The following PRELID2 variants were observed in gnomAD, a reference collection of about 807,000 sequenced individuals.
PRELID2 encodes the protein PRELI domain containing 2.
In PRELID2, 25 loss-of-function variants were observed where a neutral mutation model predicts 28.4. The observed-to-expected ratio is 0.88, with a 90% CI of 0.64 to 1.23. PRELID2 has a LOEUF of 1.23. Among genes scored for constraint, PRELID2 ranks in the 50% most tolerant of loss-of-function variants. The pLI is 0.00. For synonymous variants in PRELID2, 76 were observed against 71.6 expected, an observed-to-expected ratio of 1.06 and a Z score of -0.31; for missense variants, 201 against 214.4, an observed-to-expected ratio of 0.94 and a Z score of 0.39.
chr5:145,724,645 ATAAT>A (rs1349266235), intron 1 of PRELID2, among the ~76,000 whole-genome samples: 14 of 120,490 alleles, frequency 1.2e-4, no homozygotes, highest in African/African-American at 4.3e-4. Context: ...ATATATATAT[ATAAT>A]GCCTGTAACT....
chr5:145,513,614 G>A (rs1752485658), intron 1 of PRELID2, among the ~76,000 whole-genome samples: 1 of 152,086 alleles, frequency 6.6e-6, no homozygotes, highest in African/African-American at 2.4e-5. Context: ...AGCAAGACAG[G>A]CCAACATTCA....
chr5:145,798,875 G>T (rs532914428), intron 4 of PRELID2, among the ~76,000 whole-genome samples: 32 of 152,212 alleles, frequency 2.1e-4, no homozygotes, highest in African/African-American at 7.5e-4. Context: ...GCCTGTCAGT[G>T]GGTGGGGGCC....
intron 1 of PRELID2, among the ~76,000 whole-genome samples, chr5:145,664,333 C>G (rs1229221673): frequency 6.6e-6 from 1 of 151,986 alleles, no homozygotes; most frequent in African/African-American, 2.4e-5. Context: ...GTGCTTTCTC[C>G]TTTCCATTTG....
intron 1 of PRELID2, among the ~76,000 whole-genome samples, chr5:145,490,728 T>C (rs1489950178): frequency 1.3e-5 from 2 of 152,228 alleles, no homozygotes; most frequent in Admixed American, 6.5e-5. Flanking sequence ...TAAATTTAAT[T>C]AAACCTAAAG....
chr5:145,411,108 T>C, the PRELID2 span, among the ~76,000 whole-genome samples: 1 of 152,164 alleles, frequency 6.6e-6, no homozygotes, highest in Non-Finnish European at 1.5e-5. Context: ...GATAAAGACA[T>C]ACCCGAGATT....
intron 1 of PRELID2, among the ~76,000 whole-genome samples, chr5:145,656,271 T>G (rs1376015453): frequency 6.6e-6 from 1 of 152,138 alleles, no homozygotes; most frequent in East Asian, 1.9e-4. Flanking sequence ...GGAGAGGATG[T>G]GGAGAAATAG....
At chr5:145,416,021 C>A in the PRELID2 span, among the ~76,000 whole-genome samples, 2 of 152,176 alleles carry the variant, frequency 1.3e-5, no homozygotes, top group Admixed American at 6.5e-5. Flanking sequence ...TTGCATTTCT[C>A]TGATGGCCAG....
intron 1 of PRELID2, among the ~76,000 whole-genome samples, chr5:145,574,581 G>A (rs1753044886): frequency 6.6e-6 from 1 of 152,158 alleles, no homozygotes; most frequent in Admixed American, 6.6e-5. Context: ...ATAAGCTTAT[G>A]TTTTGGGGTC....
chr5:145,644,756 CTTCAT>C (rs1754168694), intron 1 of PRELID2, among the ~76,000 whole-genome samples: 1 of 152,274 alleles, frequency 6.6e-6, no homozygotes, highest in South Asian at 2.1e-4. Flanking sequence ...TTATTTCTGC[CTTCAT>C]TTCATTACTT....
At chr5:145,645,326 T>C (rs1754177806) in intron 1 of PRELID2, among the ~76,000 whole-genome samples, 1 of 149,270 alleles carries the variant, frequency 6.7e-6, no homozygotes, top group African/African-American at 2.5e-5. Context: ...GAGATTAGGA[T>C]TGCAACTCCT....
At chr5:145,299,369 A>T in the PRELID2 span, among the ~76,000 whole-genome samples, 1 of 152,126 alleles carries the variant, frequency 6.6e-6, no homozygotes, top group African/African-American at 2.4e-5. Context: ...ACATATTGAG[A>T]TCAATTGCTA....
chr5:145,237,170 T>C, the PRELID2 span, among the ~76,000 whole-genome samples: 2 of 152,124 alleles, frequency 1.3e-5, no homozygotes, highest in Admixed American at 1.3e-4. Flanking sequence ...CAATGAGGAA[T>C]TGCAGAGCAG....
chr5:145,599,353 T>G (rs539227295), intron 1 of PRELID2, among the ~76,000 whole-genome samples: 2 of 152,330 alleles, frequency 1.3e-5, no homozygotes, highest in African/African-American at 4.8e-5. Context: ...AATAATCTTG[T>G]TGTGTTCACT....
chr5:145,730,700 A>AT (rs1358347195), intron 1 of PRELID2, among the ~76,000 whole-genome samples: 1 of 152,164 alleles, frequency 6.6e-6, no homozygotes, highest in Non-Finnish European at 1.5e-5. Context: ...TAAAAAAAAA[A>AT]CTGCCTAAAT....
chr5:145,655,104 A>C (rs537466406), intron 1 of PRELID2, among the ~76,000 whole-genome samples: 1 of 151,840 alleles, frequency 6.6e-6, no homozygotes, highest in Non-Finnish European at 1.5e-5. Flanking sequence ...AAACACCAAT[A>C]ACAGACAAAC....
At chr5:145,405,169 A>G in the PRELID2 span, among the ~76,000 whole-genome samples, 2 of 152,210 alleles carry the variant, frequency 1.3e-5, no homozygotes, top group Non-Finnish European at 2.9e-5. Flanking sequence ...GTTAGAAAAT[A>G]TAATTAAAAA....
intron 5 of PRELID2, among the ~76,000 whole-genome samples, chr5:145,767,271 G>A (rs989847521): frequency 2.0e-5 from 3 of 152,000 alleles, no homozygotes; most frequent in Non-Finnish European, 4.4e-5. Context: ...GGACCTCAGA[G>A]AGGAATTCAG....
intron 5 of PRELID2, chr5:145,795,626 A>G (rs569679689): frequency 6.6e-6 from 1 of 152,324 alleles, no homozygotes; most frequent in South Asian, 2.1e-4. Context: ...AACTTATACA[A>G]AAAGTCCTGA....
intron 1 of PRELID2, among the ~76,000 whole-genome samples, chr5:145,831,769 T>TC (rs905076510): frequency 6.6e-6 from 1 of 152,140 alleles, no homozygotes; most frequent in African/African-American, 2.4e-5. Flanking sequence ...AGTTCTGACA[T>TC]CCCCAGTTCT....
Sources: gnomAD v4.1 joint callset for allele counts (sites outside exome capture counted in the v4.1 genomes callset) on GRCh38, gnomAD v4.1.1 for gene constraint, MANE v1.5 for transcripts, NCBI Gene and HGNC (gene_info 2026-07-23, HGNC 2026-07-21) for gene names.